Variants in SLFN12L observed in about 807,000 individuals in gnomAD.
SLFN12L encodes the protein schlafen family member 12 like.
SLFN12L carries 34 observed loss-of-function variants against 34.8 expected under a neutral mutation model. The ratio of observed to expected loss-of-function variants is 0.98; its 90% CI spans 0.74 to 1.30. The LOEUF (loss-of-function observed/expected upper bound fraction) is 1.30, where lower values mean the gene tolerates loss of function less well. Ranked by LOEUF, SLFN12L falls within the 50% of genes most tolerant of loss-of-function variation. SLFN12L has a pLI of 0.00. For missense variants in SLFN12L, 703 were observed against 696.2 expected (o/e 1.01, Z -0.11); for synonymous variants, 259 against 247.5 (o/e 1.05, Z -0.44).
intron 2 of SLFN12L, among the ~76,000 whole-genome samples, chr17:35,481,961 A>G (rs1163178325): frequency 1.3e-5 from 2 of 152,256 alleles, no homozygotes; most frequent in Non-Finnish European, 2.9e-5. Context: ...CCTGAGTTCA[A>G]GGGATTCTCC....
At chr17:35,494,713 C>G (rs912184185) in intron 2 of SLFN12L, among the ~76,000 whole-genome samples, 1 of 152,074 alleles carries the variant, frequency 6.6e-6, no homozygotes, top group Non-Finnish European at 1.5e-5. Context: ...AGGAAGGGAG[C>G]AAGCTGGAGC....
At chr17:35,491,136 C>G (rs1446518204) in intron 2 of SLFN12L, 2 of 782,652 alleles carry the variant, frequency 2.6e-6, no homozygotes, top group South Asian at 2.9e-5. Flanking sequence ...TACTGCCTCC[C>G]CTGCTGCTCC....
chr17:35,478,237 G>C, intron 3 of SLFN12L, 52 bp from the exon 4 acceptor site: 6 of 1,224,762 alleles, frequency 4.9e-6, no homozygotes, highest in East Asian at 2.6e-5. Flanking sequence ...TGGCATGGGA[G>C]AGACTCAAGC....
rs1425401547 is a variant in SLFN12L at position 35,479,718 on chromosome 17, G to A, written c.564C>T (p.Leu188=). 5.6e-6 allele frequency: 9 copies of A among 1,614,076 alleles called. No individual in the cohort carries two copies. The highest frequency in any genetic ancestry group is 8.5e-7 in the Non-Finnish European group (1 of 1,179,980). Residue 188 remains leucine, a synonymous_variant, in exon 3 of 5, where the codon CTC becomes CTT. Transcript: ENST00000628453. ...TCCCTCCAGTTTTTTCCATGTCTTT[G>A]AGGAACTCCAGTGCAGCAGAAGCAT... ...VMNASAALEF[L]KDMEKTGGRA...
intron 2 of SLFN12L, among the ~76,000 whole-genome samples, chr17:35,520,464 G>A (rs532063595): frequency 5.3e-5 from 8 of 152,326 alleles, no homozygotes; most frequent in African/African-American, 1.9e-4. Flanking sequence ...GTCTCTACTG[G>A]CTGGGCACGA....
intron 2 of SLFN12L, chr17:35,500,405 T>G (rs1915249379): frequency 6.6e-6 from 1 of 152,240 alleles, no homozygotes; most frequent in Admixed American, 6.5e-5. Context: ...GCAGATAGCC[T>G]GGCGCCATGC....
At chr17:35,494,824 CTTTA>C (rs1914980864) in intron 2 of SLFN12L, among the ~76,000 whole-genome samples, 1 of 151,996 alleles carries the variant, frequency 6.6e-6, no homozygotes, top group Non-Finnish European at 1.5e-5. Context: ...TGGATCCTGT[CTTTA>C]TTTAACATTT....
chr17:35,507,434 C>T (rs1435092632), intron 2 of SLFN12L, among the ~76,000 whole-genome samples: 3 of 152,140 alleles, frequency 2.0e-5, no homozygotes, highest in African/African-American at 7.2e-5. Context: ...CAGCAAGAAA[C>T]TCAGATGAGA....
In SLFN12L at chr17:35,498,829, C is replaced by T. The variant is rs1296752820; in HGVS notation, c.87-18634G>A. The T allele has an allele frequency of 3.8e-6, 3 of 789,958 alleles. No homozygotes were observed. The South Asian group carries it at 4.9e-5, about 13-fold the overall frequency. 48.9% of individuals were successfully genotyped at this position (789,958 alleles called of 1,614,324 possible). Reference sequence around the variant, plus strand: ...CTTGATGTGCAGCCTGCCAAGACAACAGACTAACAGCTGTATGCAAGTGGC... The same window carrying T: ...CTTGATGTGCAGCCTGCCAAGACAATAGACTAACAGCTGTATGCAAGTGGC... On this transcript the variant is annotated intron_variant, in intron 2 of 4. Transcript: ENST00000628453.
intron 2 of SLFN12L, among the ~76,000 whole-genome samples, chr17:35,496,074 C>A (rs564126736): frequency 2.6e-5 from 4 of 152,164 alleles, no homozygotes; most frequent in Non-Finnish European, 2.9e-5. Flanking sequence ...TCCCCACCCC[C>A]GGAACGGCTG....
At chr17:35,498,139 A>G (rs2142147472) in intron 2 of SLFN12L, 1 of 616,446 alleles carries the variant, frequency 1.6e-6, no homozygotes, top group East Asian at 2.7e-5. Context: ...GACCTGCAGC[A>G]GAGACGACGG....
intron 1 of SLFN12L, among the ~76,000 whole-genome samples, chr17:35,525,904 C>CA (rs1309391043): frequency 3.9e-5 from 6 of 152,142 alleles, no homozygotes; most frequent in African/African-American, 1.4e-4. Context: ...TTAAAAGACA[C>CA]AGACTGGCAA....
chr17:35,501,562 C>T (rs1048981786), intron 2 of SLFN12L, among the ~76,000 whole-genome samples: 3 of 152,200 alleles, frequency 2.0e-5, no homozygotes, highest in East Asian at 1.9e-4. Context: ...CCTTTTTATC[C>T]GTTCTTTGTT....
chr17:35,525,209 T>A (rs2072322026), intron 1 of SLFN12L, among the ~76,000 whole-genome samples: 1 of 152,002 alleles, frequency 6.6e-6, no homozygotes, highest in Non-Finnish European at 1.5e-5. Context: ...TGGGACTATG[T>A]GAAAAGACCA....
Position 35,469,123 on chromosome 17 carries a change from G to A in SLFN12L, c.*5800C>T, listed in dbSNP as rs1913759810. Among the ~76,000 whole-genome samples, 1 of 149,704 alleles carries A rather than the reference G, an allele frequency of 6.7e-6. No individual in the cohort carries two copies. The highest frequency in any genetic ancestry group is 1.5e-5 in the Non-Finnish European group (1 of 67,450). ...GGAAGAGGACCACTAACTCCCCAGT[G>A]CCTACCCCTACTACCCCCTCAAGCT... On this transcript the variant is annotated 3_prime_UTR_variant, in exon 5 of 5. Coordinates refer to ENST00000628453, the MANE Select transcript of SLFN12L (RefSeq NM_001363830.2).
chr17:35,465,117 T>C lies in SLFN12L; in HGVS notation c.*9806A>G, dbSNP rs1913701863. On this transcript the variant is annotated 3_prime_UTR_variant, in exon 5 of 5. Transcript: ENST00000628453. ...CTGGTCTCGAACTCCTGGCCTCAAG[T>C]GATCCGCCTGTCTCGGCCTCCCAAA... 6.6e-6 allele frequency among the ~76,000 whole-genome samples: 1 copy of C among 152,204 alleles called. No individual in the cohort carries two copies. Among genetic ancestry groups the C allele is most frequent in the Non-Finnish European group, 1.5e-5 (1 of 68,028 alleles).
intron 2 of SLFN12L, chr17:35,489,862 C>A (rs1914760972): frequency 2.8e-6 from 2 of 710,026 alleles, no homozygotes; most frequent in Non-Finnish European, 4.6e-6. Context: ...CATCTACTTC[C>A]GGAGAGGAAC....
intron 2 of SLFN12L, among the ~76,000 whole-genome samples, chr17:35,495,433 T>C (rs1915015462): frequency 6.6e-6 from 1 of 152,214 alleles, no homozygotes; most frequent in African/African-American, 2.4e-5. Flanking sequence ...TATAGCTCAG[T>C]ATAGCTATTT....
chr17:35,530,422 GAAGGAAGGGAAGGGAAGGGAAGAAA>G (rs1597886395), intron 1 of SLFN12L, among the ~76,000 whole-genome samples: 23 of 9,568 alleles, frequency 2.4e-3, no homozygotes, highest in African/African-American at 6.3e-3. Flanking sequence ...AGGAAGGAAG[GAAGGAAGGGAAGGGAAGGGAAGAAA>G]GAAAGAAAGA....
Sources: gnomAD v4.1 joint callset for allele counts (sites outside exome capture counted in the v4.1 genomes callset) on GRCh38, gnomAD v4.1.1 for gene constraint, MANE v1.5 for transcripts, NCBI Gene and HGNC (gene_info 2026-07-23, HGNC 2026-07-21) for gene names.